BRD10: variants seen among roughly 807,000 people sequenced by gnomAD.
BRD10 encodes bromodomain containing 10.
chr9:5,900,704 G>C, the BRD10 span, among the ~76,000 whole-genome samples: 1 of 152,054 alleles, frequency 6.6e-6, no homozygotes, highest in African/African-American at 2.4e-5. Flanking sequence ...TTTCTCCCTT[G>C]GTTAACAATT....
At chr9:5,924,903 AAACT>A in the BRD10 span, 2 of 1,238,984 alleles carry the variant, frequency 1.6e-6, no homozygotes, top group African/African-American at 3.0e-5. Flanking sequence ...CTTGGAATCT[AAACT>A]AACTTTTAAC....
the BRD10 span, among the ~76,000 whole-genome samples, chr9:5,978,992 G>A: frequency 6.4e-3 from 980 of 152,272 alleles, 4 homozygotes; most frequent in Middle Eastern, 0.014. Flanking sequence ...ATGTAAGAAA[G>A]CTATTTAAAA....
chr9:5,929,570 T>C, the BRD10 span, among the ~76,000 whole-genome samples: 533 of 152,226 alleles, frequency 3.5e-3, 3 homozygotes, highest in African/African-American at 0.012. Flanking sequence ...GTAGGTTTGT[T>C]ATCATGTCTA....
the BRD10 span, among the ~76,000 whole-genome samples, chr9:5,962,524 T>C: frequency 1.5e-4 from 5 of 33,528 alleles, no homozygotes; most frequent in East Asian, 3.1e-4. Context: ...TTCCAATCAA[T>C]AGAAAAAGAG....
chr9:5,965,317 C>T, the BRD10 span, among the ~76,000 whole-genome samples: 1 of 144,356 alleles, frequency 6.9e-6, no homozygotes, highest in African/African-American at 2.5e-5. Flanking sequence ...AAAATAAATT[C>T]AAAAAAAAAA....
At chr9:5,933,176 T>G in the BRD10 span, among the ~76,000 whole-genome samples, 1 of 152,226 alleles carries the variant, frequency 6.6e-6, no homozygotes, top group African/African-American at 2.4e-5. Flanking sequence ...GCATCTAATT[T>G]TAGTTCTGAC....
chr9:6,007,128 C>A, the BRD10 span: 1 of 1,508,676 alleles, frequency 6.6e-7, no homozygotes. Context: ...CCCAGCCCAT[C>A]CTCGGGCACG....
At chr9:5,924,783 C>G in the BRD10 span, 1 of 1,592,806 alleles carries the variant, frequency 6.3e-7, no homozygotes, top group African/African-American at 1.3e-5. Context: ...CCATAGTTCT[C>G]TATTAAATGT....
At chr9:5,932,028 T>TC in the BRD10 span, among the ~76,000 whole-genome samples, 10 of 152,258 alleles carry the variant, frequency 6.6e-5, 1 homozygote, top group African/African-American at 2.4e-4. Context: ...AATGACACTG[T>TC]CCCTTTCTAC....
At chr9:5,964,379 T>C in the BRD10 span, among the ~76,000 whole-genome samples, 2 of 152,024 alleles carry the variant, frequency 1.3e-5, no homozygotes, top group Non-Finnish European at 2.9e-5. Context: ...CCATTTAGAA[T>C]GGCAATCATT....
the BRD10 span, among the ~76,000 whole-genome samples, chr9:5,912,489 T>C: frequency 6.6e-6 from 1 of 152,118 alleles, no homozygotes; most frequent in Non-Finnish European, 1.5e-5. Flanking sequence ...AGAAAATTCA[T>C]GAAATATTAA....
the BRD10 span, among the ~76,000 whole-genome samples, chr9:5,959,044 C>T: frequency 2.0e-5 from 3 of 152,230 alleles, no homozygotes; most frequent in Admixed American, 6.5e-5. Context: ...AATTCTTTAA[C>T]GCTATCACAT....
At chr9:5,950,183 C>A in the BRD10 span, among the ~76,000 whole-genome samples, 1 of 152,278 alleles carries the variant, frequency 6.6e-6, no homozygotes, top group East Asian at 1.9e-4. Context: ...TCATTAAGAC[C>A]AAATCCAAGA....
the BRD10 span, among the ~76,000 whole-genome samples, chr9:5,979,827 G>A: frequency 6.6e-6 from 1 of 151,680 alleles, no homozygotes; most frequent in Non-Finnish European, 1.5e-5. Context: ...ACCAGCCTGG[G>A]CAACATGGTG....
chr9:6,002,170 T>C, the BRD10 span, among the ~76,000 whole-genome samples: 1 of 152,334 alleles, frequency 6.6e-6, no homozygotes, highest in South Asian at 2.1e-4. Flanking sequence ...TCTACCATCT[T>C]TTAAACCTGT....
the BRD10 span, chr9:5,922,826 T>C: frequency 1.2e-5 from 19 of 1,613,870 alleles, no homozygotes; most frequent in Admixed American, 1.2e-4. Context: ...ACCTTTTGTA[T>C]TGGTGTGGCA....
At chr9:5,920,871 C>T in the BRD10 span, 1 of 1,613,794 alleles carries the variant, frequency 6.2e-7, no homozygotes, top group Non-Finnish European at 8.5e-7. Context: ...GTTGATATAG[C>T]CACAGTGTTT....
At chr9:6,003,048 C>G in the BRD10 span, among the ~76,000 whole-genome samples, 337 of 152,232 alleles carry the variant, frequency 2.2e-3, 3 homozygotes, top group Middle Eastern at 3.4e-3. Context: ...AATCACAAAA[C>G]CAAATAATCT....
the BRD10 span, among the ~76,000 whole-genome samples, chr9:5,987,931 T>C: frequency 6.6e-6 from 1 of 152,180 alleles, no homozygotes; most frequent in Non-Finnish European, 1.5e-5. Context: ...AGCACAGTTA[T>C]CCAGGATATT....
Sources: gnomAD v4.1 joint callset for allele counts (sites outside exome capture counted in the v4.1 genomes callset) on GRCh38, gnomAD v4.1.1 for gene constraint, MANE v1.5 for transcripts, NCBI Gene and HGNC (gene_info 2026-07-23, HGNC 2026-07-21) for gene names.